The following SLC36A1 variants were observed in gnomAD, a reference collection of about 807,000 sequenced individuals.
SLC36A1 encodes solute carrier family 36 member 1, also known as proton-coupled amino acid transporter 1.
In SLC36A1, 30 loss-of-function variants were observed where a neutral mutation model predicts 47.5. The observed-to-expected ratio is 0.63, with a 90% CI of 0.47 to 0.86. The LOEUF (loss-of-function observed/expected upper bound fraction) is 0.86. SLC36A1 is among the 40% of genes least tolerant of loss of function. The pLI, the probability that SLC36A1 is intolerant of heterozygous loss-of-function variation, is 0.00. For synonymous variants in SLC36A1, 255 were observed against 249.7 expected (o/e 1.02, Z -0.20); for missense variants, 517 against 606.0 (o/e 0.85, Z 1.54).
At chr5:151,494,592 C>A (rs947517099), downstream of SLC36A1, among the ~76,000 whole-genome samples, 1 of 152,194 alleles carries the variant, frequency 6.6e-6, no homozygotes, top group African/African-American at 2.4e-5. Context: ...TTAACATAAT[C>A]ATCCTTTTTA....
At chr5:151,481,242 CA>C (rs1758757670) in intron 10 of SLC36A1, among the ~76,000 whole-genome samples, 1 of 152,180 alleles carries the variant, frequency 6.6e-6, no homozygotes, top group Admixed American at 6.5e-5. Context: ...CAAGTGTGTG[CA>C]GTTGTTTTTC....
chr5:151,513,852 T>C, the SLC36A1 span, among the ~76,000 whole-genome samples: 1 of 152,252 alleles, frequency 6.6e-6, no homozygotes, highest in Non-Finnish European at 1.5e-5. Context: ...TCAGTTTTAA[T>C]GTCTAATACT....
upstream of SLC36A1, among the ~76,000 whole-genome samples, chr5:151,443,175 T>C (rs1752720518): frequency 6.6e-6 from 1 of 152,162 alleles, no homozygotes; most frequent in Non-Finnish European, 1.5e-5. Flanking sequence ...TGATGGGTCA[T>C]ATGGTAGTTC....
chr5:151,468,604 C>G (rs1451765819), intron 7 of SLC36A1, among the ~76,000 whole-genome samples: 1 of 151,306 alleles, frequency 6.6e-6, no homozygotes, highest in African/African-American at 2.4e-5. Context: ...AGCAGCATCT[C>G]TGGTCTCTAC....
intron 2 of SLC36A1, among the ~76,000 whole-genome samples, chr5:151,461,961 C>CTT (rs35783925): frequency 8.5e-4 from 123 of 144,602 alleles, no homozygotes; most frequent in African/African-American, 2.1e-3. Context: ...AACTTGCTGC[C>CTT]TTTTTTTTTT....
intron 2 of SLC36A1, among the ~76,000 whole-genome samples, chr5:151,462,020 T>C (rs173349): frequency 0.62 from 94,321 of 151,316 alleles, 31,187 homozygotes; most frequent in African/African-American, 0.86. Context: ...CATTCAGACC[T>C]GAGTACTTGT....
At chr5:151,468,289 ATATATTTTAT>A (rs1312697423) in intron 7 of SLC36A1, among the ~76,000 whole-genome samples, 52 of 100,436 alleles carry the variant, frequency 5.2e-4, no homozygotes, top group African/African-American at 1.9e-3. Context: ...ATATATATAT[ATATATTTTAT>A]ATATATATAT....
At chr5:151,405,381 G>C in the SLC36A1 span, among the ~76,000 whole-genome samples, 4 of 104,372 alleles carry the variant, frequency 3.8e-5, no homozygotes, top group African/African-American at 1.6e-4. Context: ...ATAGGGTGTT[G>C]CTCTGTCACC....
chr5:151,468,266 A>AAAAAAATATATAT (rs55642458), intron 7 of SLC36A1, among the ~76,000 whole-genome samples: 1 of 63,830 alleles, frequency 1.6e-5, no homozygotes, highest in African/African-American at 8.8e-5. Context: ...AAAAAAAAAA[A>AAAAAAATATATAT]ATATATATAT....
the SLC36A1 span, among the ~76,000 whole-genome samples, chr5:151,399,092 T>C: frequency 1.2e-5 from 1 of 82,948 alleles, no homozygotes; most frequent in Non-Finnish European, 2.6e-5. Flanking sequence ...ATATTTTTTT[T>C]TTTTTTTTTT....
At chr5:151,539,619 A>C in the SLC36A1 span, among the ~76,000 whole-genome samples, 2 of 152,176 alleles carry the variant, frequency 1.3e-5, no homozygotes, top group African/African-American at 2.4e-5. Flanking sequence ...TGATAATTTG[A>C]GATGTTATAA....
chr5:151,398,953 A>G, the SLC36A1 span, among the ~76,000 whole-genome samples: 1 of 151,794 alleles, frequency 6.6e-6, no homozygotes, highest in Non-Finnish European at 1.5e-5. Flanking sequence ...AAGAATTTCC[A>G]TATGCTTTTT....
At position 151,488,266 on chromosome 5, in the gene SLC36A1, C is replaced by T. The variant is rs563394655; in HGVS notation, c.*12C>T. 1.8e-5 allele frequency: 29 copies of T among 1,612,374 alleles called. No homozygotes were observed. The highest frequency in any genetic ancestry group is 2.2e-5 in the Non-Finnish European group (26 of 1,179,014). On this transcript the variant is annotated 3_prime_UTR_variant, in exon 11 of 11. Transcript: ENST00000243389. ...GTGCCTTCATATAGGGATCTGGGTT[C>T]GTCTCTGCAGCTGCCTACCCCTGCC...
At chr5:151,514,753 A>G in the SLC36A1 span, among the ~76,000 whole-genome samples, 2 of 150,420 alleles carry the variant, frequency 1.3e-5, no homozygotes, top group Non-Finnish European at 3.0e-5. Context: ...AGATGGGGGA[A>G]CCTGCAGGCA....
chr5:151,420,877 TC>T, the SLC36A1 span, among the ~76,000 whole-genome samples: 2 of 141,344 alleles, frequency 1.4e-5, no homozygotes, highest in East Asian at 2.6e-4. Context: ...TCTCTTTCTT[TC>T]TTTTTTTTTT....
chr5:151,546,193 G>C, the SLC36A1 span: 2 of 1,614,036 alleles, frequency 1.2e-6, no homozygotes, highest in African/African-American at 2.7e-5. Flanking sequence ...AATGATCACT[G>C]TAGCCAGGTC....
the SLC36A1 span, chr5:151,554,388 T>C: frequency 1.2e-6 from 2 of 1,614,028 alleles, no homozygotes; most frequent in East Asian, 4.5e-5. Flanking sequence ...TCTCCAGCTG[T>C]AAAAGTGCTG....
At chr5:151,370,925 G>C in the SLC36A1 span, among the ~76,000 whole-genome samples, 1 of 152,148 alleles carries the variant, frequency 6.6e-6, no homozygotes, top group Non-Finnish European at 1.5e-5. Flanking sequence ...CCCGGGAGAC[G>C]GAGGTTGCAG....
intron 10 of SLC36A1, 86 bp from the exon 11 acceptor site, chr5:151,487,878 TCTCAATCCTATAAGATGGA>T: frequency 7.4e-7 from 1 of 1,354,574 alleles, no homozygotes; most frequent in South Asian, 1.4e-5. Flanking sequence ...TTCTTAGAGC[TCTCAATCCTATAAGATGGA>T]CAGATGCTGA....
Sources: gnomAD v4.1 joint callset for allele counts (sites outside exome capture counted in the v4.1 genomes callset) on GRCh38, gnomAD v4.1.1 for gene constraint, MANE v1.5 for transcripts, NCBI Gene and HGNC (gene_info 2026-07-23, HGNC 2026-07-21) for gene names.